Variants in FAF1 observed in about 807,000 individuals in gnomAD.
FAF1 encodes the protein Fas associated factor 1, also known as FAS-associated factor 1.
FAF1 carries 25 observed loss-of-function variants against 92.5 expected under a neutral mutation model. That is an observed-to-expected ratio of 0.27 (90% confidence interval 0.20 to 0.38). The LOEUF is 0.38. Among genes scored for constraint, FAF1 ranks in the 10% least tolerant of loss-of-function variants. FAF1 has a pLI of 1.00. For synonymous variants in FAF1, 234 were observed against 273.2 expected (o/e 0.86, Z 1.42); for missense variants, 636 against 793.3 (o/e 0.80, Z 2.38).
At chr1:50,489,463 C>T (rs559320453) in intron 17 of FAF1, among the ~76,000 whole-genome samples, 1 of 152,274 alleles carries the variant, frequency 6.6e-6, no homozygotes, top group South Asian at 2.1e-4. Flanking sequence ...TCTATGAAGC[C>T]AGCCTAGGAA....
At chr1:50,835,338 G>A (rs1644190560) in intron 2 of FAF1, among the ~76,000 whole-genome samples, 1 of 152,118 alleles carries the variant, frequency 6.6e-6, no homozygotes, top group African/African-American at 2.4e-5. Context: ...AAAGTTAAGA[G>A]AAAGATTTAA....
intron 1 of FAF1, among the ~76,000 whole-genome samples, chr1:50,945,784 G>A (rs1454904217): frequency 1.3e-5 from 2 of 152,226 alleles, no homozygotes; most frequent in Admixed American, 1.3e-4. Context: ...ACAGGCAAAG[G>A]TCCGTAGAAA....
At chr1:50,493,867 C>T (rs568938440) in intron 15 of FAF1, among the ~76,000 whole-genome samples, 47 of 152,272 alleles carry the variant, frequency 3.1e-4, no homozygotes, top group African/African-American at 1.1e-3. Flanking sequence ...ACTATGTACA[C>T]GTAAAAAACG....
At chr1:50,523,470 G>A (rs1337428052) in intron 15 of FAF1, among the ~76,000 whole-genome samples, 1 of 152,156 alleles carries the variant, frequency 6.6e-6, no homozygotes, top group Non-Finnish European at 1.5e-5. Flanking sequence ...TAGGTATGAA[G>A]TGGCATCTTA....
chr1:50,498,257 G>C (rs983807705), intron 15 of FAF1, among the ~76,000 whole-genome samples: 1 of 151,738 alleles, frequency 6.6e-6, no homozygotes, highest in Non-Finnish European at 1.5e-5. Flanking sequence ...TAAAAAAAAA[G>C]CTTAAAATGA....
chr1:50,691,685 G>A (rs1332481176), intron 7 of FAF1, among the ~76,000 whole-genome samples: 1 of 152,050 alleles, frequency 6.6e-6, no homozygotes, highest in Non-Finnish European at 1.5e-5. Flanking sequence ...CCACCTCCCG[G>A]GTTCAAGCAA....
intron 6 of FAF1, among the ~76,000 whole-genome samples, chr1:50,738,029 T>TA (rs1358530213): frequency 1.3e-5 from 2 of 152,136 alleles, no homozygotes; most frequent in Non-Finnish European, 2.9e-5. Flanking sequence ...CATTAAACAA[T>TA]AAAAAACGTA....
chr1:50,543,303 G>C (rs375077404), intron 13 of FAF1, among the ~76,000 whole-genome samples: 2 of 152,136 alleles, frequency 1.3e-5, no homozygotes, highest in African/African-American at 4.8e-5. Flanking sequence ...GGGGAAGGGA[G>C]ATGAAATTCC....
chr1:50,616,378 A>G (rs1405847620), intron 8 of FAF1, among the ~76,000 whole-genome samples: 3 of 152,180 alleles, frequency 2.0e-5, no homozygotes, highest in African/African-American at 7.2e-5. Flanking sequence ...GTGAAAAGTA[A>G]CATTGGTAGT....
intron 1 of FAF1, among the ~76,000 whole-genome samples, chr1:50,944,092 A>G (rs2124756409): frequency 6.6e-6 from 1 of 152,322 alleles, no homozygotes; most frequent in African/African-American, 2.4e-5. Context: ...TCTACCCCAC[A>G]GAATCTGAGT....
At chr1:50,887,726 C>T (rs551851666) in intron 1 of FAF1, among the ~76,000 whole-genome samples, 1 of 152,212 alleles carries the variant, frequency 6.6e-6, no homozygotes, top group African/African-American at 2.4e-5. Context: ...TGTTCTGTTC[C>T]ATTGGTCTAT....
chr1:50,653,150 T>C (rs1323670913), intron 8 of FAF1, among the ~76,000 whole-genome samples: 1 of 151,698 alleles, frequency 6.6e-6, no homozygotes, highest in African/African-American at 2.4e-5. Flanking sequence ...TTCTATCAAA[T>C]TTCTCACTCA....
At chr1:50,456,695 T>C (rs935108133) in intron 18 of FAF1, among the ~76,000 whole-genome samples, 29 of 152,326 alleles carry the variant, frequency 1.9e-4, no homozygotes, top group African/African-American at 5.1e-4. Flanking sequence ...TGGATTATAA[T>C]AGTAAACAAG....
At chr1:50,750,053 T>C (rs1659793042) in intron 4 of FAF1, among the ~76,000 whole-genome samples, 1 of 151,942 alleles carries the variant, frequency 6.6e-6, no homozygotes, top group Non-Finnish European at 1.5e-5. Flanking sequence ...AACACAGGAG[T>C]TACTGTTTTT....
intron 15 of FAF1, among the ~76,000 whole-genome samples, chr1:50,530,258 T>G (rs1340130068): frequency 6.7e-6 from 1 of 149,168 alleles, no homozygotes; most frequent in Non-Finnish European, 1.5e-5. Context: ...TGTGTGTGTG[T>G]GTGTGTGTGT....
intron 7 of FAF1, among the ~76,000 whole-genome samples, chr1:50,674,083 T>C (rs933178374): frequency 1.3e-5 from 2 of 152,082 alleles, no homozygotes; most frequent in African/African-American, 4.8e-5. Context: ...CCCAAGTAGC[T>C]GGGGTTACAG....
intron 1 of FAF1, among the ~76,000 whole-genome samples, chr1:50,910,743 A>C (rs2124721519): frequency 6.6e-6 from 1 of 152,006 alleles, no homozygotes; most frequent in South Asian, 2.1e-4. Flanking sequence ...GCGCAGTATT[A>C]GGGTGGGAGT....
rs71765972 is a variant in FAF1 at position 50,628,126 on chromosome 1, CGT to C, written c.744+27314_744+27315del. ...GTTTATGTTTCTGTGTGTGTGTATG[CGT>C]GTGTGTTTCTGTTAAGATGAGAGAC... On this transcript the variant is annotated intron_variant, in intron 8 of 18. Coordinates refer to ENST00000396153, the MANE Select transcript of FAF1 (RefSeq NM_007051.3). 1.0e-2 allele frequency among the ~76,000 whole-genome samples: 1,515 copies of C among 151,870 alleles called. 23 individuals carry two copies. Among genetic ancestry groups the C allele is most frequent in the African/African-American group, 0.035 (1,436 of 41,430 alleles).
At chr1:50,858,464 G>A (rs1481930262) in intron 1 of FAF1, among the ~76,000 whole-genome samples, 2 of 151,778 alleles carry the variant, frequency 1.3e-5, no homozygotes, top group African/African-American at 4.8e-5. Flanking sequence ...CCGCTCTCTG[G>A]TAGCTGCTAG....
Sources: allele counts gnomAD v4.1 joint callset (sites outside exome capture counted in the v4.1 genomes callset), GRCh38; gene constraint gnomAD v4.1.1; transcripts MANE v1.5; gene names NCBI Gene and HGNC (gene_info 2026-07-23, HGNC 2026-07-21).